Variants in VEPH1 observed in about 807,000 individuals in gnomAD.
VEPH1 encodes the protein ventricular zone-expressed PH domain-containing protein homolog 1.
Under a neutral mutation model 85.2 loss-of-function variants are expected in VEPH1, and 80 were observed. The observed-to-expected ratio is 0.94, with a 90% CI of 0.78 to 1.13. The LOEUF is 1.13. Among genes scored for constraint, VEPH1 ranks in the 50% most tolerant of loss-of-function variants. VEPH1 has a pLI of 0.00. For missense variants in VEPH1, 955 were observed against 980.5 expected, an observed-to-expected ratio of 0.97 and a Z score of 0.35; for synonymous variants, 297 against 348.0, an observed-to-expected ratio of 0.85 and a Z score of 1.63.
chr3:157,474,915 C>T (rs1460358896), intron 2 of VEPH1, among the ~76,000 whole-genome samples: 3 of 151,028 alleles, frequency 2.0e-5, no homozygotes, highest in African/African-American at 7.3e-5. Flanking sequence ...TTGAATTATT[C>T]ACATGTGTTT....
In VEPH1 at chr3:157,428,464, A is replaced by G; in HGVS notation, c.554T>C (p.Leu185Ser). 6.2e-7 allele frequency: 1 copy of G among 1,613,916 alleles called. No homozygotes were observed. The highest frequency in any genetic ancestry group is 8.5e-7 in the Non-Finnish European group (1 of 1,179,966). The change falls in exon 5 of 14, where the codon TTA (leucine) becomes TCA (serine). Residue 185 changes from leucine (L) to serine (S), a missense_variant. Leu to Ser is a moderately radical substitution (Grantham distance 145). Transcript: ENST00000362010. Reference protein sequence around the residue: ...LQGNTMLLRVLPAVYEKQPQP... With the variant: ...LQGNTMLLRVSPAVYEKQPQP... ...AGGCTGCTTTTCATACACAGCAGGTAACACTCTCAACAACATGGTGTTACC... is the reference window on the plus strand; with the variant it reads ...AGGCTGCTTTTCATACACAGCAGGTGACACTCTCAACAACATGGTGTTACC...
At chr3:157,406,611 G>C (rs1385726956) in intron 6 of VEPH1, among the ~76,000 whole-genome samples, 3 of 152,100 alleles carry the variant, frequency 2.0e-5, no homozygotes, top group African/African-American at 7.2e-5. Flanking sequence ...AGAAAAACAA[G>C]GCAGAGGGCA....
intron 11 of VEPH1, among the ~76,000 whole-genome samples, chr3:157,287,758 T>C (rs1433835345): frequency 6.6e-6 from 1 of 152,042 alleles, no homozygotes; most frequent in East Asian, 1.9e-4. Flanking sequence ...AGAGACAGGG[T>C]TATGCCGTGT....
intron 2 of VEPH1, among the ~76,000 whole-genome samples, chr3:157,479,046 C>T (rs1402301723): frequency 6.6e-6 from 1 of 152,086 alleles, no homozygotes; most frequent in Non-Finnish European, 1.5e-5. Flanking sequence ...AAAATTTTAA[C>T]CTGTTTTAGT....
At chr3:157,464,877 A>G (rs931753138) in intron 3 of VEPH1, among the ~76,000 whole-genome samples, 3 of 152,224 alleles carry the variant, frequency 2.0e-5, no homozygotes, top group Non-Finnish European at 4.4e-5. Flanking sequence ...ATTTATTAAA[A>G]TAGGGTTCCT....
chr3:157,282,008 C>A (rs139966667), intron 12 of VEPH1, among the ~76,000 whole-genome samples: 1 of 152,188 alleles, frequency 6.6e-6, no homozygotes, highest in African/African-American at 2.4e-5. Context: ...GAAAAATAAT[C>A]TAGCTCGCAT....
intron 10 of VEPH1, chr3:157,315,791 A>G (rs1720688060): frequency 6.6e-6 from 1 of 151,638 alleles, no homozygotes; most frequent in Non-Finnish European, 1.5e-5. Context: ...ACCCATCAAG[A>G]TTTCTTGTTT....
intron 12 of VEPH1, among the ~76,000 whole-genome samples, chr3:157,275,582 A>G (rs80141042): frequency 0.23 from 35,308 of 151,374 alleles, 4,230 homozygotes; most frequent in Non-Finnish European, 0.27. Context: ...TTCAAAAAAA[A>G]CCAACAAAAA....
intron 9 of VEPH1, among the ~76,000 whole-genome samples, chr3:157,329,434 A>G (rs543720360): frequency 6.6e-6 from 1 of 152,254 alleles, no homozygotes; most frequent in Non-Finnish European, 1.5e-5. Flanking sequence ...AGCAAATGTC[A>G]TAATCATAAA....
chr3:157,455,775 C>T (rs1577698970), intron 4 of VEPH1, among the ~76,000 whole-genome samples: 1 of 152,160 alleles, frequency 6.6e-6, no homozygotes, highest in Non-Finnish European at 1.5e-5. Flanking sequence ...TTTACGGCTG[C>T]ATAGTTTTCC....
intron 12 of VEPH1, among the ~76,000 whole-genome samples, chr3:157,274,847 T>C (rs1214523262): frequency 6.6e-6 from 1 of 152,178 alleles, no homozygotes; most frequent in Non-Finnish European, 1.5e-5. Flanking sequence ...GAAACTTCCA[T>C]TTACAAGACA....
chr3:157,332,184 A>G (rs1187974913), intron 9 of VEPH1, among the ~76,000 whole-genome samples: 1 of 152,248 alleles, frequency 6.6e-6, no homozygotes, highest in Non-Finnish European at 1.5e-5. Context: ...TATGGAGTTT[A>G]TCACAGAATA....
In VEPH1 at chr3:157,337,911, G is replaced by A. The variant is rs896239263; in HGVS notation, c.1736-20710C>T. On this transcript the variant is annotated intron_variant, in intron 9 of 13. Coordinates refer to ENST00000362010, the MANE Select transcript of VEPH1 (RefSeq NM_001167912.2). The stretch of plus-strand genomic sequence containing the variant: ...ATCATTGGATATAGAAAAATTGGCA[G>A]TTAATTTTTTTTTCTTCAGTTACCA... 2.0e-5 allele frequency among the ~76,000 whole-genome samples: 3 copies of A among 152,082 alleles called. No individual in the cohort carries two copies. In the East Asian group the frequency reaches 5.8e-4, roughly 29 times the overall value.
rs955801925 is a variant in VEPH1 at position 157,310,915 on chromosome 3, G to A, written c.2010+2706C>T. On this transcript the variant is annotated intron_variant, in intron 11 of 13. Transcript: ENST00000362010. ...GTGATCCTCTCCTGGGCCCAGAGGA[G>A]GGAAGTACCGGATTCATTTGTGACA... 6.6e-5 allele frequency among the ~76,000 whole-genome samples: 10 copies of A among 152,306 alleles called. No individual in the cohort carries two copies. The East Asian group carries it at 1.9e-3, about 29-fold the overall frequency.
chr3:157,483,524 ATTATT>A (rs1738331409), intron 2 of VEPH1, among the ~76,000 whole-genome samples: 1 of 152,166 alleles, frequency 6.6e-6, no homozygotes, highest in Non-Finnish European at 1.5e-5. Context: ...ATAAAGAATA[ATTATT>A]TTTATTTTAA....
At chr3:157,426,710 T>G (rs1324472418) in intron 5 of VEPH1, among the ~76,000 whole-genome samples, 1 of 151,872 alleles carries the variant, frequency 6.6e-6, no homozygotes, top group Non-Finnish European at 1.5e-5. Context: ...TTTCTCTTGG[T>G]CTTACCTGAG....
intron 4 of VEPH1, among the ~76,000 whole-genome samples, chr3:157,454,901 G>A (rs547080193): frequency 1.2e-3 from 183 of 152,246 alleles, no homozygotes; most frequent in Middle Eastern, 3.4e-3. Context: ...CTGCATCCAC[G>A]TTGCTGCAAA....
At chr3:157,449,349 A>G (rs1261139219) in intron 4 of VEPH1, among the ~76,000 whole-genome samples, 1 of 152,158 alleles carries the variant, frequency 6.6e-6, no homozygotes, top group Non-Finnish European at 1.5e-5. Flanking sequence ...TGTTTTATGT[A>G]TTTAGGTCTT....
intron 2 of VEPH1, among the ~76,000 whole-genome samples, chr3:157,471,722 T>G (rs1007707539): frequency 6.6e-6 from 1 of 152,090 alleles, no homozygotes; most frequent in Admixed American, 6.5e-5. Flanking sequence ...ATCTTTTTTT[T>G]TTTTAATCCT....
Sources: gnomAD v4.1 joint callset for allele counts (sites outside exome capture counted in the v4.1 genomes callset) on GRCh38, gnomAD v4.1.1 for gene constraint, MANE v1.5 for transcripts, NCBI Gene and HGNC (gene_info 2026-07-23, HGNC 2026-07-21) for gene names.